The following LNPK variants were observed in gnomAD, a reference collection of about 807,000 sequenced individuals.
LNPK encodes the protein lunapark, ER junction formation factor.
In LNPK, 29 loss-of-function variants were observed where a neutral mutation model predicts 55.2. The observed-to-expected ratio is 0.53, with a 90% CI of 0.39 to 0.72. The LOEUF is 0.72. Among genes scored for constraint, LNPK ranks in the 30% least tolerant of loss-of-function variants. The probability of loss-of-function intolerance (pLI) is 0.00; values close to 1 mark genes in which losing one functional copy is unlikely to be tolerated. For synonymous variants in LNPK, 162 were observed against 168.2 expected, an observed-to-expected ratio of 0.96 and a Z score of 0.29; for missense variants, 467 against 494.8, an observed-to-expected ratio of 0.94 and a Z score of 0.53.
chr2:175,924,655 C>T lies in LNPK; in HGVS notation c.*5312G>A, dbSNP rs1683926000. The T allele has an allele frequency of 6.6e-6, 1 of 151,074 alleles. No individual in the cohort carries two copies. Among genetic ancestry groups the T allele is most frequent in the African/African-American group, 2.4e-5 (1 of 40,952 alleles). The allele number at this position is 151,074 out of a possible 1,614,324, so 9.4% of individuals were successfully genotyped here. On this transcript the variant is annotated 3_prime_UTR_variant, in exon 13 of 13. Coordinates refer to ENST00000272748, the MANE Select transcript of LNPK (RefSeq NM_030650.3). ...AGCCCATTTGTGTTGTTAAGGAATA[C>T]CTGAGGCTGGGTAATTTACTGAAAA...
chr2:175,994,718 T>C (rs950192098), intron 2 of LNPK, among the ~76,000 whole-genome samples: 4 of 151,306 alleles, frequency 2.6e-5, no homozygotes, highest in Non-Finnish European at 2.9e-5. Flanking sequence ...CGGGGTTATA[T>C]AATTTATACA....
At chr2:175,933,879 ACG>A (rs1346730059) in intron 12 of LNPK, among the ~76,000 whole-genome samples, 4 of 151,862 alleles carry the variant, frequency 2.6e-5, no homozygotes, top group Admixed American at 1.3e-4. Flanking sequence ...CTACAGGTGC[ACG>A]CCACCACACC....
intron 8 of LNPK, among the ~76,000 whole-genome samples, chr2:175,957,718 T>C (rs943995551): frequency 2.0e-5 from 3 of 152,104 alleles, no homozygotes; most frequent in African/African-American, 7.2e-5. Flanking sequence ...GGCCAGTGGG[T>C]GCAGCCCACA....
intron 6 of LNPK, among the ~76,000 whole-genome samples, chr2:175,965,907 C>A (rs1318401148): frequency 6.6e-6 from 1 of 152,148 alleles, no homozygotes; most frequent in African/African-American, 2.4e-5. Context: ...CTGATCTCTA[C>A]ACATTAGACT....
chr2:175,992,518 CT>C (rs2105721531), intron 3 of LNPK, 100 bp from the exon 4 acceptor site: 1 of 691,832 alleles, frequency 1.4e-6, no homozygotes, highest in Admixed American at 4.1e-5. Flanking sequence ...AGAAAAAACT[CT>C]TATTTAAAGT....
chr2:175,977,098 C>T (rs916869233), intron 5 of LNPK, among the ~76,000 whole-genome samples: 7 of 152,046 alleles, frequency 4.6e-5, no homozygotes, highest in African/African-American at 1.7e-4. Context: ...CTACTAAACT[C>T]CTAAGTGGAA....
intron 8 of LNPK, among the ~76,000 whole-genome samples, chr2:175,960,173 A>G (rs548432902): frequency 6.6e-6 from 1 of 152,312 alleles, no homozygotes; most frequent in East Asian, 1.9e-4. Flanking sequence ...TAACAAGGAT[A>G]TCCACGACTT....
intron 1 of LNPK, among the ~76,000 whole-genome samples, chr2:175,997,594 C>G (rs1257338952): frequency 6.6e-6 from 1 of 152,082 alleles, no homozygotes; most frequent in African/African-American, 2.4e-5. Context: ...TTCTAACCAT[C>G]ACACCCTAAG....
chr2:175,959,362 A>G (rs1419976329), intron 8 of LNPK, among the ~76,000 whole-genome samples: 1 of 152,214 alleles, frequency 6.6e-6, no homozygotes, highest in African/African-American at 2.4e-5. Flanking sequence ...GACTAACAGC[A>G]GATCTCTCAG....
intron 11 of LNPK, 47 bp from the exon 12 acceptor site, chr2:175,937,561 G>A (rs188843405): frequency 1.1e-4 from 158 of 1,395,680 alleles, no homozygotes; most frequent in Non-Finnish European, 1.4e-4. Flanking sequence ...ACCAAGCAAA[G>A]TTCAAGAACT....
rs181762903 is a variant in LNPK, at chr2:175,931,660, A to C, written c.1055-1461T>G. Among the ~76,000 whole-genome samples, 23 of 152,290 alleles carry C rather than the reference A, an allele frequency of 1.5e-4. 1 individual carries two copies. In the East Asian group the frequency reaches 4.4e-3, roughly 29 times the overall value. ...TAATTTGTGCCAAATCTCATTTTTA[A>C]AAATCCTATCTGTATCTTAACATGG... On this transcript the variant is annotated intron_variant, in intron 12 of 12. Coordinates refer to ENST00000272748, the MANE Select transcript of LNPK (RefSeq NM_030650.3).
chr2:175,995,612 G>T lies in LNPK; in HGVS notation c.-28C>A, dbSNP rs576409581. 1.9e-6 allele frequency: 3 copies of T among 1,581,908 alleles called. No individual in the cohort carries two copies. The South Asian group carries it at 3.3e-5, about 18-fold the overall frequency. On this transcript the variant is annotated 5_prime_UTR_variant, in exon 2 of 13. Transcript: ENST00000272748. ...TTTATTTGTAGAAACTGGGCACAATGATAAATATCATCAATTGTCCAAAGG... is the reference window on the plus strand; with the variant it reads ...TTTATTTGTAGAAACTGGGCACAATTATAAATATCATCAATTGTCCAAAGG...
intron 12 of LNPK, 131 bp downstream of exon 12, chr2:175,937,213 A>G: frequency 1.3e-6 from 1 of 796,172 alleles, no homozygotes; most frequent in Non-Finnish European, 2.0e-6. Context: ...CTATGGTAAC[A>G]GAGCCGTAGT....
intron 9 of LNPK, among the ~76,000 whole-genome samples, chr2:175,942,621 T>C (rs1454432728): frequency 3.3e-5 from 5 of 151,970 alleles, no homozygotes; most frequent in Non-Finnish European, 7.4e-5. Flanking sequence ...AGAAAGTATT[T>C]TGAACTGAAT....
intron 9 of LNPK, among the ~76,000 whole-genome samples, chr2:175,946,288 A>C (rs1685118083): frequency 6.6e-6 from 1 of 152,158 alleles, no homozygotes; most frequent in South Asian, 2.1e-4. Flanking sequence ...TTCATTAAAC[A>C]ACCAGGAATT....
chr2:175,991,241 C>T (rs1006205782), intron 4 of LNPK, among the ~76,000 whole-genome samples: 1 of 152,054 alleles, frequency 6.6e-6, no homozygotes, highest in African/African-American at 2.4e-5. Context: ...TTGTAATTTT[C>T]TTTCCTCTCC....
At chr2:175,938,986 G>A (rs1005128118) in intron 10 of LNPK, among the ~76,000 whole-genome samples, 1 of 151,966 alleles carries the variant, frequency 6.6e-6, no homozygotes, top group Admixed American at 6.6e-5. Context: ...AATAACATAC[G>A]ATTTATTACA....
chr2:175,925,018 A>C lies in LNPK; in HGVS notation c.*4949T>G, dbSNP rs1393807792. On this transcript the variant is annotated 3_prime_UTR_variant, in exon 13 of 13. Coordinates refer to ENST00000272748, the MANE Select transcript of LNPK (RefSeq NM_030650.3). The stretch of plus-strand genomic sequence containing the variant: ...AAACACCTCCAGCAATGGGGATCAA[A>C]TTTCAACATGAGATTTGCAGGGGTC... 6.6e-6 allele frequency: 1 copy of C among 152,152 alleles called. No individual in the cohort carries two copies. Among genetic ancestry groups the C allele is most frequent in the African/African-American group, 2.4e-5 (1 of 41,442 alleles). The allele number at this position is 152,152 out of a possible 1,614,324, so 9.4% of individuals were successfully genotyped here.
chr2:175,942,429 T>TGC (rs1431655593), intron 9 of LNPK, among the ~76,000 whole-genome samples: 2 of 152,138 alleles, frequency 1.3e-5, no homozygotes, highest in Non-Finnish European at 2.9e-5. Context: ...ATACATGGCA[T>TGC]TCTCAGACAT....
Sources: allele counts gnomAD v4.1 joint callset (sites outside exome capture counted in the v4.1 genomes callset), GRCh38; gene constraint gnomAD v4.1.1; transcripts MANE v1.5; gene names NCBI Gene and HGNC (gene_info 2026-07-23, HGNC 2026-07-21).